The following NLRP9 variants were observed in gnomAD, a reference collection of about 807,000 sequenced individuals.
The protein encoded by NLRP9 is NLR family pyrin domain containing 9.
In NLRP9, 88 loss-of-function variants were observed where a neutral mutation model predicts 83.1. That is an observed-to-expected ratio of 1.06 (90% CI 0.89 to 1.26). NLRP9 has a LOEUF of 1.26. Among genes scored for constraint, NLRP9 ranks in the 50% most tolerant of loss-of-function variants. NLRP9 has a pLI of 0.00. For missense variants in NLRP9, 1,308 were observed against 1,179.3 expected (o/e 1.11, Z -1.60); for synonymous variants, 521 against 447.6 (o/e 1.16, Z -2.07).
intron 8 of NLRP9, among the ~76,000 whole-genome samples, chr19:55,710,700 A>G (rs34637812): frequency 0.16 from 24,557 of 152,088 alleles, 2,051 homozygotes; most frequent in East Asian, 0.22. Flanking sequence ...CCATGATTCA[A>G]AGTTTCCTGT....
In NLRP9 at chr19:55,711,898, C is replaced by T; in HGVS notation, c.2745G>A (p.Leu915=). 6.2e-7 allele frequency: 1 copy of T among 1,613,350 alleles called. No homozygotes were observed. The highest frequency in any genetic ancestry group is 8.5e-7 in the Non-Finnish European group (1 of 1,179,966). The part of the protein sequence containing the change: ...IAAALIACKT[L]RSLNLDWIAL... ...CAATCCAGTCGAGGTTCAGGCTCCT[C>T]AGTGTTTTGCAGGCGATGAGTGCTG... Residue 915 remains leucine (L), a synonymous_variant, in exon 8 of 9, where the codon CTG becomes CTA. Coordinates refer to ENST00000332836, the MANE Select transcript of NLRP9 (RefSeq NM_176820.4).
intron 7 of NLRP9, 72 bp from the exon 8 acceptor site, chr19:55,712,042 G>A (rs1987753174): frequency 1.4e-6 from 2 of 1,458,270 alleles, no homozygotes; most frequent in Non-Finnish European, 1.9e-6. Context: ...ATTGTTACTT[G>A]CTAATTACAC....
At chr19:55,714,295 C>T (rs192088571) in intron 6 of NLRP9, among the ~76,000 whole-genome samples, 25 of 152,182 alleles carry the variant, frequency 1.6e-4, no homozygotes, top group Admixed American at 1.6e-3. Flanking sequence ...CTCTAGCTAT[C>T]CTCTCATTAC....
chr19:55,723,377 G>C (rs993516876), intron 4 of NLRP9, among the ~76,000 whole-genome samples: 2 of 152,104 alleles, frequency 1.3e-5, no homozygotes, highest in African/African-American at 4.8e-5. Flanking sequence ...TGTTGTTCTT[G>C]TTTTGGCCTG....
chr19:55,721,636 C>T (rs1988228217), intron 4 of NLRP9, among the ~76,000 whole-genome samples: 1 of 152,118 alleles, frequency 6.6e-6, no homozygotes, highest in Non-Finnish European at 1.5e-5. Flanking sequence ...GGGTATTTAG[C>T]AGCATCCTTG....
intron 4 of NLRP9, among the ~76,000 whole-genome samples, chr19:55,720,383 C>T (rs566102769): frequency 2.6e-5 from 4 of 152,144 alleles, no homozygotes; most frequent in Non-Finnish European, 5.9e-5. Flanking sequence ...AGTGCAGTGA[C>T]GTGATGACAG....
intron 4 of NLRP9, among the ~76,000 whole-genome samples, chr19:55,720,755 T>C (rs1988200161): frequency 6.6e-6 from 1 of 152,182 alleles, no homozygotes; most frequent in South Asian, 2.1e-4. Flanking sequence ...TAGAAGATAT[T>C]TGCAATGCAT....
chr19:55,722,010 C>CT (rs1568598358), intron 4 of NLRP9, among the ~76,000 whole-genome samples: 1 of 152,128 alleles, frequency 6.6e-6, no homozygotes, highest in African/African-American at 2.4e-5. Context: ...CACTTGGTCT[C>CT]TATCCACCAG....
intron 8 of NLRP9, among the ~76,000 whole-genome samples, chr19:55,710,377 AG>A (rs757960066): frequency 3.3e-5 from 5 of 151,900 alleles, no homozygotes; most frequent in Admixed American, 6.6e-5. Context: ...GCCCCATCTC[AG>A]GGCCTTTATG....
intron 1 of NLRP9, among the ~76,000 whole-genome samples, chr19:55,734,586 C>A (rs1988726502): frequency 6.9e-6 from 1 of 144,126 alleles, no homozygotes. Context: ...TACATATATA[C>A]ACATATATAC....
At chr19:55,728,788 A>G (rs1261110285) in intron 3 of NLRP9, among the ~76,000 whole-genome samples, 2 of 152,188 alleles carry the variant, frequency 1.3e-5, no homozygotes, top group Admixed American at 6.5e-5. Context: ...CCGTGATGAC[A>G]TGACTTTTCA....
intron 4 of NLRP9, among the ~76,000 whole-genome samples, chr19:55,721,583 C>G (rs1988226850): frequency 6.6e-6 from 1 of 152,146 alleles, no homozygotes; most frequent in Non-Finnish European, 1.5e-5. Context: ...TAGTCCAGTA[C>G]TAGATAATCC....
At chr19:55,722,974 C>A (rs963149218) in intron 4 of NLRP9, among the ~76,000 whole-genome samples, 3 of 151,736 alleles carry the variant, frequency 2.0e-5, no homozygotes, top group Admixed American at 1.3e-4. Context: ...GGGAGGGGAA[C>A]AACACACACT....
intron 8 of NLRP9, chr19:55,711,199 T>C (rs1987705547): frequency 5.6e-6 from 1 of 179,152 alleles, no homozygotes; most frequent in Admixed American, 6.5e-5. Context: ...TGAACAATTA[T>C]CAATATTCAG....
chr19:55,718,671 A>G (rs1305606496), intron 4 of NLRP9, among the ~76,000 whole-genome samples: 3 of 152,204 alleles, frequency 2.0e-5, no homozygotes, highest in Non-Finnish European at 4.4e-5. Flanking sequence ...TTGCCCAGCC[A>G]CATTCCCCTC....
In NLRP9 at chr19:55,738,311, C is replaced by T; in HGVS notation, c.64G>A (p.Glu22Lys). Residue 22 changes from glutamate (E) to lysine (K), a missense_variant, in exon 1 of 9, where the codon GAG becomes AAG. Transcript: ENST00000332836. ...LWYLKELRKEEFWKFKELLKQ... is the reference protein window; with the variant it reads ...LWYLKELRKEKFWKFKELLKQ... ...AGGAGCTCCTTAAATTTCCAAAACT[C>T]TTCCTTTCTGAGCTCCTTCAGATAC... 6.2e-7 allele frequency: 1 copy of T among 1,614,124 alleles called. No individual in the cohort carries two copies. Among genetic ancestry groups the T allele is most frequent in the Non-Finnish European group, 8.5e-7 (1 of 1,179,990 alleles).
At position 55,711,838 on chromosome 19, in the gene NLRP9, C is replaced by T; in HGVS notation, c.2805G>A (p.Glu935=). Residue 935 remains glutamate (E), a synonymous_variant, in exon 8 of 9, where the codon GAG becomes GAA. Coordinates refer to ENST00000332836, the MANE Select transcript of NLRP9 (RefSeq NM_176820.4). The stretch of plus-strand genomic sequence containing the variant: ...GGGCACAGTCCGGGTGGCTCAATGC[C>T]TCACACAGCACCACCACTGCATCAG... ...LDADAVVVLC[E]ALSHPDCALQ... is the part of the protein sequence containing the mutation. 1 of 1,613,364 alleles carries T rather than the reference C, an allele frequency of 6.2e-7. No homozygotes were observed. Among genetic ancestry groups the T allele is most frequent in the Non-Finnish European group, 8.5e-7 (1 of 1,179,944 alleles).
At chr19:55,723,267 TG>T (rs770945537) in intron 4 of NLRP9, among the ~76,000 whole-genome samples, 16 of 152,178 alleles carry the variant, frequency 1.1e-4, no homozygotes, top group Non-Finnish European at 2.2e-4. Context: ...ATTCTCCCCC[TG>T]GCTTTAATGC....
At chr19:55,731,420 G>A (rs1169052791) in intron 2 of NLRP9, among the ~76,000 whole-genome samples, 3 of 151,898 alleles carry the variant, frequency 2.0e-5, no homozygotes, top group African/African-American at 7.2e-5. Flanking sequence ...GGAACGGAGG[G>A]AGGGAGGGAG....
Sources: allele counts gnomAD v4.1 joint callset (sites outside exome capture counted in the v4.1 genomes callset), GRCh38; gene constraint gnomAD v4.1.1; transcripts MANE v1.5; gene names NCBI Gene and HGNC (gene_info 2026-07-23, HGNC 2026-07-21).